JARID2: variants seen among roughly 807,000 people sequenced by gnomAD.
JARID2 encodes jumonji and AT-rich interaction domain containing 2.
A neutral mutation model predicts 125.6 loss-of-function variants in JARID2; 21 were observed. The observed-to-expected ratio is 0.17, with a 90% CI of 0.12 to 0.24. The LOEUF (loss-of-function observed/expected upper bound fraction) is 0.24. JARID2 is among the 10% of genes least tolerant of loss of function. JARID2 has a pLI of 1.00. For missense variants in JARID2, 1,303 were observed against 1,639.6 expected (o/e 0.79, Z 3.55); for synonymous variants, 736 against 661.6 (o/e 1.11, Z -1.73).
chr6:15,497,312 CTCA>C, intron 7 of JARID2, 142 bp downstream of exon 7: 3 of 680,526 alleles, frequency 4.4e-6, no homozygotes, highest in Non-Finnish European at 7.4e-6. Context: ...GGCTTCTCAG[CTCA>C]TTCCCCCTGC....
chr6:15,480,064 A>G (rs1313399437), intron 5 of JARID2, among the ~76,000 whole-genome samples: 2 of 152,246 alleles, frequency 1.3e-5, no homozygotes, highest in Non-Finnish European at 2.9e-5. Flanking sequence ...TTGTAATGAC[A>G]TGAAGCGTAC....
At chr6:15,332,305 C>G (rs919376423) in intron 1 of JARID2, among the ~76,000 whole-genome samples, 3 of 152,170 alleles carry the variant, frequency 2.0e-5, no homozygotes, top group Non-Finnish European at 4.4e-5. Context: ...TGAATATTAA[C>G]TGGGGCTCAA....
At chr6:15,326,994 C>T (rs1309561292) in intron 1 of JARID2, among the ~76,000 whole-genome samples, 1 of 152,054 alleles carries the variant, frequency 6.6e-6, no homozygotes, top group African/African-American at 2.4e-5. Context: ...ATTTGTTGTT[C>T]TTGAGGAAAT....
intron 2 of JARID2, among the ~76,000 whole-genome samples, chr6:15,382,392 C>G (rs1764625247): frequency 6.6e-6 from 1 of 152,136 alleles, no homozygotes; most frequent in Non-Finnish European, 1.5e-5. Flanking sequence ...GCAAAGGGGT[C>G]TTGAAAGATG....
At chr6:15,305,558 G>A (rs779338705) in intron 1 of JARID2, among the ~76,000 whole-genome samples, 1 of 152,154 alleles carries the variant, frequency 6.6e-6, no homozygotes. Flanking sequence ...GTTTGCATTT[G>A]TGGATGAGTT....
chr6:15,474,168 A>G (rs1044760800), intron 5 of JARID2, among the ~76,000 whole-genome samples: 2 of 152,238 alleles, frequency 1.3e-5, no homozygotes, highest in Middle Eastern at 6.3e-3. Flanking sequence ...TGCTAATTGA[A>G]CCTAAGAGTA....
At position 15,392,209 on chromosome 6, in the gene JARID2, C is replaced by G. The variant is rs78079162; in HGVS notation, c.181+17957C>G. 4.2e-4 allele frequency among the ~76,000 whole-genome samples: 64 copies of G among 152,238 alleles called. No homozygotes were observed. In the East Asian group the frequency reaches 0.012, roughly 29 times the overall value. On this transcript the variant is annotated intron_variant, in intron 2 of 17. Transcript: ENST00000341776. ...ACGTTAAGGTGGCCTAAAACCATTT[C>G]TAATAAAAATCACCCTTTGGGATAT...
chr6:15,475,479 G>C (rs758249632), intron 5 of JARID2, among the ~76,000 whole-genome samples: 10 of 152,136 alleles, frequency 6.6e-5, no homozygotes, highest in Non-Finnish European at 1.3e-4. Context: ...TCCTCGCTTC[G>C]CCGTGCAACT....
chr6:15,411,450 C>A (rs1238727367), intron 3 of JARID2, among the ~76,000 whole-genome samples: 1 of 152,086 alleles, frequency 6.6e-6, no homozygotes, highest in Non-Finnish European at 1.5e-5. Context: ...AATCTGTATT[C>A]TTCTCTCATT....
At chr6:15,400,574 G>A (rs1196107217) in intron 2 of JARID2, among the ~76,000 whole-genome samples, 1 of 152,038 alleles carries the variant, frequency 6.6e-6, no homozygotes, top group African/African-American at 2.4e-5. Flanking sequence ...CCCCCCATAT[G>A]TCAGAAATTC....
intron 11 of JARID2, among the ~76,000 whole-genome samples, chr6:15,507,646 G>A (rs892570385): frequency 2.0e-5 from 3 of 152,190 alleles, no homozygotes; most frequent in Non-Finnish European, 4.4e-5. Flanking sequence ...TCTGGAGCTG[G>A]GAGAAGCTTA....
chr6:15,511,180 G>T, intron 12 of JARID2, 116 bp from the exon 13 acceptor site: 2 of 717,622 alleles, frequency 2.8e-6, no homozygotes, highest in Non-Finnish European at 4.9e-6. Flanking sequence ...ATCCCTGCCG[G>T]CGTGGAGCAG....
intron 3 of JARID2, among the ~76,000 whole-genome samples, chr6:15,411,790 C>T (rs1488663889): frequency 6.6e-6 from 1 of 152,204 alleles, no homozygotes; most frequent in Non-Finnish European, 1.5e-5. Flanking sequence ...GAGCAGAATT[C>T]TCTGAGTCTG....
chr6:15,306,580 C>T (rs1035776533), intron 1 of JARID2, among the ~76,000 whole-genome samples: 17 of 151,670 alleles, frequency 1.1e-4, no homozygotes, highest in African/African-American at 3.6e-4. Flanking sequence ...TCAGGTGATC[C>T]GCCCGCCTCG....
At chr6:15,463,423 T>G (rs1768552556) in intron 4 of JARID2, among the ~76,000 whole-genome samples, 2 of 104,746 alleles carry the variant, frequency 1.9e-5, no homozygotes, top group Admixed American at 3.0e-4. Flanking sequence ...TGGAGCCCTT[T>G]CCTTTTTTTT....
At position 15,460,967 on chromosome 6, in the gene JARID2, A is replaced by G. The variant is rs527290050; in HGVS notation, c.494-7575A>G. 9.2e-5 allele frequency among the ~76,000 whole-genome samples: 14 copies of G among 152,272 alleles called. No individual in the cohort carries two copies. The East Asian group carries it at 2.5e-3, about 27-fold the overall frequency. ...GTATCTGCCCACCTTGGCCTCCCAA[A>G]GTGCTGGGATTACAGGCGTGAGCCA... On this transcript the variant is annotated intron_variant, in intron 4 of 17. Coordinates refer to ENST00000341776, the MANE Select transcript of JARID2 (RefSeq NM_004973.4).
intron 4 of JARID2, among the ~76,000 whole-genome samples, chr6:15,454,789 C>T (rs1768080868): frequency 6.6e-6 from 1 of 151,972 alleles, no homozygotes; most frequent in Admixed American, 6.6e-5. Context: ...TTAGTTTTTA[C>T]ATAGATTTTG....
intron 1 of JARID2, among the ~76,000 whole-genome samples, chr6:15,310,706 A>G (rs1464914654): frequency 2.0e-5 from 3 of 152,172 alleles, no homozygotes; most frequent in South Asian, 2.1e-4. Context: ...TGGGATTTCA[A>G]TCTCCAGAAT....
intron 9 of JARID2, among the ~76,000 whole-genome samples, chr6:15,505,621 A>C (rs949774708): frequency 1.2e-4 from 18 of 152,274 alleles, no homozygotes; most frequent in African/African-American, 4.3e-4. Flanking sequence ...ATAGAGGTTT[A>C]CCTTTCACGC....
Sources: allele counts gnomAD v4.1 joint callset (sites outside exome capture counted in the v4.1 genomes callset), GRCh38; gene constraint gnomAD v4.1.1; transcripts MANE v1.5; gene names NCBI Gene and HGNC (gene_info 2026-07-23, HGNC 2026-07-21).